Variants in ZCCHC7 observed in about 807,000 individuals in gnomAD.
The protein encoded by ZCCHC7 is zinc finger CCHC-type containing 7.
A neutral mutation model predicts 52.0 loss-of-function variants in ZCCHC7; 35 were observed. The ratio of observed to expected loss-of-function variants is 0.67; its 90% confidence interval spans 0.51 to 0.89. The LOEUF (loss-of-function observed/expected upper bound fraction) is 0.89, where lower values mean the gene tolerates loss of function less well. Ranked by LOEUF, ZCCHC7 falls within the 40% of genes least tolerant of loss-of-function variation. The pLI is 0.00. For synonymous variants in ZCCHC7, 217 were observed against 221.5 expected (o/e 0.98, Z 0.18); for missense variants, 574 against 649.1 (o/e 0.88, Z 1.26).
At chr9:37,251,233 C>T (rs1256273913) in intron 2 of ZCCHC7, among the ~76,000 whole-genome samples, 2 of 151,268 alleles carry the variant, frequency 1.3e-5, no homozygotes, top group African/African-American at 4.9e-5. Flanking sequence ...CTTTCCTGTC[C>T]TCAACTATGT....
chr9:37,350,868 C>T (rs1023390800), intron 7 of ZCCHC7, among the ~76,000 whole-genome samples: 3 of 152,212 alleles, frequency 2.0e-5, no homozygotes, highest in African/African-American at 7.2e-5. Flanking sequence ...TCCCAGTCTC[C>T]AGGTAGGCTT....
chr9:37,177,816 C>T (rs149993849), intron 2 of ZCCHC7, among the ~76,000 whole-genome samples: 279 of 152,220 alleles, frequency 1.8e-3, no homozygotes, highest in African/African-American at 6.6e-3. Context: ...CTGTAGAATA[C>T]CTAACCCAGT....
chr9:37,183,224 A>G (rs746809922), intron 2 of ZCCHC7, among the ~76,000 whole-genome samples: 2 of 152,170 alleles, frequency 1.3e-5, no homozygotes, highest in Non-Finnish European at 2.9e-5. Flanking sequence ...TCTTTATTTA[A>G]TACATAACAG....
chr9:37,324,521 A>G (rs192848882), intron 5 of ZCCHC7, among the ~76,000 whole-genome samples: 2 of 152,296 alleles, frequency 1.3e-5, no homozygotes, highest in Admixed American at 6.5e-5. Context: ...CATGGCCTTC[A>G]CTGTCTGTGA....
chr9:37,258,757 T>TAAAAAAAAAAA (rs5897683), intron 2 of ZCCHC7, among the ~76,000 whole-genome samples: 1 of 55,366 alleles, frequency 1.8e-5, no homozygotes, highest in African/African-American at 8.6e-5. Flanking sequence ...TCCTGTCTCT[T>TAAAAAAAAAAA]AAAAAAAAAA....
At chr9:37,258,681 G>A (rs1295226629) in intron 2 of ZCCHC7, among the ~76,000 whole-genome samples, 1 of 149,614 alleles carries the variant, frequency 6.7e-6, no homozygotes, top group Non-Finnish European at 1.5e-5. Context: ...GAGCCTGTGA[G>A]GTTGAGGCTG....
At chr9:37,233,010 T>C (rs1051836220) in intron 2 of ZCCHC7, among the ~76,000 whole-genome samples, 10 of 152,180 alleles carry the variant, frequency 6.6e-5, no homozygotes, top group African/African-American at 2.4e-4. Flanking sequence ...GGCTTAAGGG[T>C]TTAAAGTAAC....
At chr9:37,125,025 T>C (rs1322131815) in intron 1 of ZCCHC7, among the ~76,000 whole-genome samples, 2 of 152,180 alleles carry the variant, frequency 1.3e-5, no homozygotes, top group Non-Finnish European at 1.5e-5. Context: ...CTGATTTCTT[T>C]ATTTTTAGCA....
chr9:37,257,960 T>G (rs572391350), intron 2 of ZCCHC7, among the ~76,000 whole-genome samples: 4 of 152,302 alleles, frequency 2.6e-5, no homozygotes, highest in African/African-American at 9.6e-5. Context: ...GATTAAAATC[T>G]TATTAGGGCA....
At chr9:37,222,030 G>T (rs577707089) in intron 2 of ZCCHC7, among the ~76,000 whole-genome samples, 4 of 152,116 alleles carry the variant, frequency 2.6e-5, no homozygotes, top group African/African-American at 9.6e-5. Flanking sequence ...CTATAAAAAT[G>T]AACAGAGGGA....
At chr9:37,216,294 A>G (rs1013727522) in intron 2 of ZCCHC7, among the ~76,000 whole-genome samples, 2 of 152,224 alleles carry the variant, frequency 1.3e-5, no homozygotes, top group African/African-American at 2.4e-5. Flanking sequence ...TGTTGCTTGC[A>G]TCTGATAGAA....
At chr9:37,155,254 G>A (rs997919748) in intron 2 of ZCCHC7, among the ~76,000 whole-genome samples, 9 of 152,042 alleles carry the variant, frequency 5.9e-5, no homozygotes, top group African/African-American at 1.7e-4. Context: ...CCGGCTACTC[G>A]GGAGGCTGAG....
At chr9:37,333,240 A>T (rs566845830) in intron 6 of ZCCHC7, among the ~76,000 whole-genome samples, 1 of 151,820 alleles carries the variant, frequency 6.6e-6, no homozygotes, top group Non-Finnish European at 1.5e-5. Context: ...GGAAAGATTT[A>T]TCATAAATGT....
intron 2 of ZCCHC7, among the ~76,000 whole-genome samples, chr9:37,203,631 A>C (rs1471152402): frequency 1.3e-5 from 2 of 152,204 alleles, no homozygotes; most frequent in African/African-American, 4.8e-5. Flanking sequence ...TGCAGAGGAC[A>C]TGATCTCATT....
At chr9:37,248,734 G>A (rs539444136) in intron 2 of ZCCHC7, among the ~76,000 whole-genome samples, 1 of 152,266 alleles carries the variant, frequency 6.6e-6, no homozygotes, top group South Asian at 2.1e-4. Flanking sequence ...CTTATTATGA[G>A]TGCTAGATGA....
At chr9:37,338,397 G>C (rs188790093) in intron 6 of ZCCHC7, among the ~76,000 whole-genome samples, 1 of 152,034 alleles carries the variant, frequency 6.6e-6, no homozygotes, top group African/African-American at 2.4e-5. Flanking sequence ...TACTGAAAAA[G>C]ATACAATGAT....
intron 2 of ZCCHC7, among the ~76,000 whole-genome samples, chr9:37,231,767 A>T (rs1825419606): frequency 6.6e-6 from 1 of 152,214 alleles, no homozygotes; most frequent in Non-Finnish European, 1.5e-5. Context: ...ACCTACCCCA[A>T]GGCATTAGGC....
intron 2 of ZCCHC7, among the ~76,000 whole-genome samples, chr9:37,213,646 A>G (rs951257869): frequency 3.9e-5 from 6 of 152,174 alleles, no homozygotes; most frequent in African/African-American, 7.2e-5. Context: ...GGCAGATGGT[A>G]TAAGAATAGC....
intron 2 of ZCCHC7, chr9:37,186,687 T>G (rs1822675749): frequency 1.7e-6 from 1 of 591,802 alleles, no homozygotes; most frequent in Non-Finnish European, 3.2e-6. Context: ...TATTTACAGA[T>G]TCAAATATTT....
Sources: gnomAD v4.1 joint callset for allele counts (sites outside exome capture counted in the v4.1 genomes callset) on GRCh38, gnomAD v4.1.1 for gene constraint, MANE v1.5 for transcripts, NCBI Gene and HGNC (gene_info 2026-07-23, HGNC 2026-07-21) for gene names.